FAM124A: variants seen among roughly 807,000 people sequenced by gnomAD.
The protein encoded by FAM124A is protein FAM124A.
FAM124A carries 23 observed loss-of-function variants against 24.5 expected under a neutral mutation model. The ratio of observed to expected loss-of-function variants is 0.94; its 90% confidence interval spans 0.68 to 1.33. The LOEUF (loss-of-function observed/expected upper bound fraction) is 1.33, where lower values mean the gene tolerates loss of function less well. FAM124A is among the 40% of genes most tolerant of loss of function. FAM124A has a pLI of 0.00. For missense variants in FAM124A, 623 were observed against 722.8 expected (o/e 0.86, Z 1.58); for synonymous variants, 287 against 314.7 (o/e 0.91, Z 0.93).
chr13:51,261,413 C>A (rs1246013316), intron 3 of FAM124A, among the ~76,000 whole-genome samples: 1 of 152,188 alleles, frequency 6.6e-6, no homozygotes, highest in African/African-American at 2.4e-5. Context: ...ATGCCAGCTA[C>A]CCAGCATGCT....
At chr13:51,224,458 C>T (rs1954296927) in intron 1 of FAM124A, among the ~76,000 whole-genome samples, 3 of 145,230 alleles carry the variant, frequency 2.1e-5, no homozygotes, top group South Asian at 2.2e-4. Context: ...GCAACAAGAG[C>T]AAAACTCCAT....
intron 1 of FAM124A, among the ~76,000 whole-genome samples, chr13:51,230,398 G>C (rs1954361802): frequency 6.6e-6 from 1 of 152,172 alleles, no homozygotes; most frequent in Non-Finnish European, 1.5e-5. Flanking sequence ...GGCAGCAGGA[G>C]ACTAAGGAGA....
chr13:51,241,342 C>CG (rs983145696), intron 2 of FAM124A, among the ~76,000 whole-genome samples: 1 of 152,190 alleles, frequency 6.6e-6, no homozygotes, highest in Non-Finnish European at 1.5e-5. Context: ...ATTTTTGTTA[C>CG]ATTTGTCACG....
chr13:51,282,556 G>A lies in FAM124A; in HGVS notation c.*1300G>A, dbSNP rs986743465. ...CGGGGGCAGTGCCAAGCTGTCCCTG[G>A]ATACTATTTACCTTTGAGGAAGAAC... On this transcript the variant is annotated 3_prime_UTR_variant, in exon 4 of 4. Coordinates refer to ENST00000322475, the MANE Select transcript of FAM124A (RefSeq NM_001242312.2). 1 of 152,230 alleles carries A rather than the reference G, an allele frequency of 6.6e-6. No homozygotes were observed. The highest frequency in any genetic ancestry group is 1.9e-4 in the East Asian group (1 of 5,206). 9.4% of individuals were successfully genotyped at this position (152,230 alleles called of 1,614,324 possible).
intron 2 of FAM124A, among the ~76,000 whole-genome samples, chr13:51,239,548 C>T (rs1299826903): frequency 6.6e-6 from 1 of 152,128 alleles, no homozygotes; most frequent in African/African-American, 2.4e-5. Flanking sequence ...CTTTATTCAC[C>T]AGTTCACTAT....
intron 3 of FAM124A, among the ~76,000 whole-genome samples, chr13:51,266,184 C>G (rs934128752): frequency 2.0e-5 from 3 of 152,076 alleles, no homozygotes; most frequent in East Asian, 1.9e-4. Flanking sequence ...GGGCCTTTCC[C>G]CAGTGGAGGC....
intron 3 of FAM124A, among the ~76,000 whole-genome samples, chr13:51,263,487 C>T (rs901759625): frequency 2.0e-5 from 3 of 152,242 alleles, no homozygotes; most frequent in Non-Finnish European, 4.4e-5. Flanking sequence ...TGGAGCCCCA[C>T]ATGCCTCTCA....
At chr13:51,240,597 G>A (rs1305098903) in intron 2 of FAM124A, among the ~76,000 whole-genome samples, 3 of 152,132 alleles carry the variant, frequency 2.0e-5, no homozygotes, top group Non-Finnish European at 4.4e-5. Context: ...GAAGTTAGAG[G>A]TCTCTCTATG....
At chr13:51,230,510 G>A (rs1370742196) in intron 1 of FAM124A, among the ~76,000 whole-genome samples, 1 of 152,214 alleles carries the variant, frequency 6.6e-6, no homozygotes, top group Non-Finnish European at 1.5e-5. Flanking sequence ...ACGTGCTAAA[G>A]TGATTAATTT....
chr13:51,242,509 A>G (rs531348911), intron 2 of FAM124A, among the ~76,000 whole-genome samples: 42 of 152,268 alleles, frequency 2.8e-4, no homozygotes, highest in African/African-American at 9.4e-4. Context: ...TACCTCCTCA[A>G]ACTAATTACA....
At chr13:51,244,505 A>G (rs1954534996) in intron 2 of FAM124A, among the ~76,000 whole-genome samples, 2 of 152,170 alleles carry the variant, frequency 1.3e-5, no homozygotes, top group Non-Finnish European at 2.9e-5. Context: ...GTTGCCCAAA[A>G]ATTCTAGAAA....
rs749738902 is a variant in FAM124A at position 51,280,968 on chromosome 13, C to T, written c.1353C>T (p.Ser451=). Residue 451 remains serine (S), a synonymous_variant, in exon 4 of 4, where the codon AGC becomes AGT. Transcript: ENST00000322475. ...VETPLPSERC[S]SHWAAHKDSR... is the part of the protein sequence containing the mutation. ...CACCCCTCCCCTCCGAAAGATGCAG[C>T]AGCCACTGGGCAGCTCACAAGGATT... 4 of 1,614,014 alleles carry T rather than the reference C, an allele frequency of 2.5e-6. No individual in the cohort carries two copies. In the East Asian group the frequency reaches 6.7e-5, roughly 27 times the overall value.
chr13:51,268,711 G>T (rs938584373), intron 3 of FAM124A, among the ~76,000 whole-genome samples: 8 of 152,214 alleles, frequency 5.3e-5, no homozygotes, highest in African/African-American at 1.7e-4. Context: ...TAAGTCTAAT[G>T]GTGTGGATCA....
rs1276716949 is a variant in FAM124A, at chr13:51,251,734, C to G, written c.367C>G (p.Leu123Val). The change falls in exon 3 of 4, where the codon CTG (leucine) becomes GTG (valine). Residue 123 changes from leucine (L) to valine (V), a missense_variant. Coordinates refer to ENST00000322475, the MANE Select transcript of FAM124A (RefSeq NM_001242312.2). This position sits in a 1 kb window ranked among gnomAD's most constrained non-coding sequence, Gnocchi z 5.3. ...GCAGATCCTGCAGCTGCACCGCACACTGCAGCAGCCGCCCTGGCGCCACCA... is the reference window on the plus strand; with the variant it reads ...GCAGATCCTGCAGCTGCACCGCACAGTGCAGCAGCCGCCCTGGCGCCACCA... ...EEQILQLHRT[L>V]QQPPWRHHHT... 1 of 1,584,734 alleles carries G rather than the reference C, an allele frequency of 6.3e-7. No individual in the cohort carries two copies. Among genetic ancestry groups the G allele is most frequent in the African/African-American group, 1.3e-5 (1 of 74,246 alleles).
rs973771140 is a variant in FAM124A at position 51,230,108 on chromosome 13, T to G, written c.69-1240T>G. 2.4e-3 allele frequency among the ~76,000 whole-genome samples: 372 copies of G among 152,238 alleles called. 1 individual carries two copies. Among genetic ancestry groups the G allele is most frequent in the African/African-American group, 7.6e-3 (316 of 41,514 alleles). On this transcript the variant is annotated intron_variant, in intron 1 of 3. Coordinates refer to ENST00000322475, the MANE Select transcript of FAM124A (RefSeq NM_001242312.2). ...ATATATATGAATGCAGTTTGTAATA[T>G]ATAAAGGGATATGCAAATGTTGGTA...
chr13:51,246,405 G>C (rs530907851), intron 2 of FAM124A, among the ~76,000 whole-genome samples: 797 of 70,858 alleles, frequency 0.011, 39 homozygotes, highest in African/African-American at 0.059. Flanking sequence ...CTCGTGGGGT[G>C]GGGGGGGGTG....
chr13:51,251,269 C>G lies in FAM124A; in HGVS notation c.101-199C>G, dbSNP rs888204682. On this transcript the variant is annotated intron_variant, in intron 2 of 3. Coordinates refer to ENST00000322475, the MANE Select transcript of FAM124A (RefSeq NM_001242312.2). This position sits in a 1 kb window ranked among gnomAD's most constrained non-coding sequence, Gnocchi z 5.3. ...AGAAACTATTCACGTAGCAACAGCC[C>G]TTTCCTCTTTGGCTGCTAAGGTGCT... Among the ~76,000 whole-genome samples, 2 of 152,182 alleles carry G rather than the reference C, an allele frequency of 1.3e-5. No individual in the cohort carries two copies. Among genetic ancestry groups the G allele is most frequent in the African/African-American group, 4.8e-5 (2 of 41,438 alleles).
In FAM124A at chr13:51,258,783, G is replaced by A. The variant is rs557691518; in HGVS notation, c.834+6582G>A. Among the ~76,000 whole-genome samples, 6 of 152,304 alleles carry A rather than the reference G, an allele frequency of 3.9e-5. No homozygotes were observed. The highest frequency in any genetic ancestry group is 1.4e-4 in the African/African-American group (6 of 41,552). Reference sequence around the variant, plus strand: ...TGAGACCTGTGGGAAGAATGCCTCTGGCGTGCCCTCGGTCAGCACCCATGA... The same window carrying A: ...TGAGACCTGTGGGAAGAATGCCTCTAGCGTGCCCTCGGTCAGCACCCATGA... On this transcript the variant is annotated intron_variant, in intron 3 of 3. Transcript: ENST00000322475. The surrounding 1 kb of genome is among the most constrained non-coding windows in gnomAD (Gnocchi z 4.2).
At position 51,222,829 on chromosome 13, in the gene FAM124A, A is replaced by T. The variant is rs1300036359; in HGVS notation, c.68+260A>T. On this transcript the variant is annotated intron_variant, in intron 1 of 3. Transcript: ENST00000322475. ...TGAGGCGATGCAGAGCGCCAGGCGG[A>T]TGCAAAGACCCCTTGTCTGCATCGC... Among the ~76,000 whole-genome samples the T allele has an allele frequency of 2.0e-5, 3 of 152,142 alleles. No homozygotes were observed. The South Asian group carries it at 6.2e-4, about 31-fold the overall frequency.
Sources: gnomAD v4.1 joint callset for allele counts (sites outside exome capture counted in the v4.1 genomes callset) on GRCh38, gnomAD v4.1.1 for gene constraint, Gnocchi (gnomAD v3.1) non-coding constraint, MANE v1.5 for transcripts, NCBI Gene and HGNC (gene_info 2026-07-23, HGNC 2026-07-21) for gene names.